Variants in EEA1 observed in about 807,000 individuals in gnomAD.
EEA1 encodes early endosome antigen 1.
Under a neutral mutation model 209.2 loss-of-function variants are expected in EEA1, and 111 were observed. That is an observed-to-expected ratio of 0.53 (90% CI 0.45 to 0.62). The LOEUF is 0.62. Among genes scored for constraint, EEA1 ranks in the 20% least tolerant of loss-of-function variants. The pLI, the probability that EEA1 is intolerant of heterozygous loss-of-function variation, is 0.00. For missense variants in EEA1, 1,343 were observed against 1,530.8 expected, an observed-to-expected ratio of 0.88 and a Z score of 2.05; for synonymous variants, 536 against 540.6, an observed-to-expected ratio of 0.99 and a Z score of 0.12.
chr12:92,862,083 G>A (rs1878178985), intron 3 of EEA1, among the ~76,000 whole-genome samples: 2 of 152,196 alleles, frequency 1.3e-5, no homozygotes, highest in South Asian at 2.1e-4. Flanking sequence ...CCTGAGTCAT[G>A]TGGACTTTTG....
Position 92,798,542 on chromosome 12 carries a change from G to C in EEA1, c.2967+350C>G, listed in dbSNP as rs181911535. On this transcript the variant is annotated intron_variant, in intron 21 of 28. Coordinates refer to ENST00000322349, the MANE Select transcript of EEA1 (RefSeq NM_003566.4). ...TCACCATGTTGGCCAGGCTGGTCTT[G>C]AACTCCTGACCTCAGGTGATCTGCC... 8.1e-3 allele frequency among the ~76,000 whole-genome samples: 1,225 copies of C among 152,028 alleles called. 25 individuals carry two copies. The highest frequency in any genetic ancestry group is 0.027 in the African/African-American group (1,116 of 41,442).
At chr12:92,887,025 CAAAAACAAAGAA>C (rs1219611544) in intron 2 of EEA1, among the ~76,000 whole-genome samples, 10 of 25,506 alleles carry the variant, frequency 3.9e-4, no homozygotes, top group African/African-American at 1.1e-3. Flanking sequence ...AACAAACAAA[CAAAAACAAAGAA>C]AAAAAGAAAG....
intron 1 of EEA1, among the ~76,000 whole-genome samples, chr12:92,910,369 T>A (rs773484778): frequency 1.4e-4 from 21 of 150,946 alleles, no homozygotes; most frequent in Non-Finnish European, 2.5e-4. Flanking sequence ...CCCAGGAAGC[T>A]GAGGCAGGAG....
intron 1 of EEA1, among the ~76,000 whole-genome samples, chr12:92,923,116 G>A (rs1288906197): frequency 6.6e-6 from 1 of 152,144 alleles, no homozygotes; most frequent in African/African-American, 2.4e-5. Flanking sequence ...GGGAGGCTGA[G>A]GCAGGCAGAT....
At chr12:92,778,494 G>A (rs1290740421) in intron 25 of EEA1, among the ~76,000 whole-genome samples, 1 of 152,004 alleles carries the variant, frequency 6.6e-6, no homozygotes, top group Non-Finnish European at 1.5e-5. Flanking sequence ...GTGCCCTAGA[G>A]ACAAAGCTGA....
At position 92,826,191 on chromosome 12, in the gene EEA1, G is replaced by A. The variant is rs776804628; in HGVS notation, c.1499C>T (p.Thr500Ile). ...HQEQQALQQSTTAKLREAQND... is the reference protein window; with the variant it reads ...HQEQQALQQSITAKLREAQND... ...CTGAGCTTCTCGAAGTTTTGCCGTG[G>A]TGCTTTGCTGAAGAGCCTGTTGTTC... The change falls in exon 13 of 29, where the codon ACC (threonine) becomes ATC (isoleucine). Residue 500 changes from threonine to isoleucine, a missense_variant. Transcript: ENST00000322349. 6.2e-7 allele frequency: 1 copy of A among 1,613,418 alleles called. No individual in the cohort carries two copies. Among genetic ancestry groups the A allele is most frequent in the Admixed American group, 1.7e-5 (1 of 60,006 alleles).
intron 18 of EEA1, among the ~76,000 whole-genome samples, chr12:92,808,333 T>C (rs1445673210): frequency 6.6e-6 from 1 of 152,186 alleles, no homozygotes; most frequent in Non-Finnish European, 1.5e-5. Context: ...TGATTAAAAC[T>C]CAAAGTACAT....
Position 92,832,599 on chromosome 12 carries a change from C to T in EEA1, c.1167G>A (p.Gln389=). The T allele has an allele frequency of 1.2e-6, 2 of 1,614,042 alleles. No homozygotes were observed. The highest frequency in any genetic ancestry group is 1.7e-6 in the Non-Finnish European group (2 of 1,179,988). The change falls in exon 11 of 29, where the codon CAG becomes CAA. Residue 389 remains glutamine (Q), a synonymous_variant. Transcript: ENST00000322349. ...GCTGCTTAAACTCCGCCTTTAGATG[C>T]TGGTACTTGGTCTCTACCTCAGATA... ...EELSEVETKY[Q]HLKAEFKQLQ... is the part of the protein sequence containing the mutation.
rs371149243 is a variant in EEA1 at position 92,819,398 on chromosome 12, T to C, written c.1638A>G (p.Arg546=). 1 of 1,612,834 alleles carries C rather than the reference T, an allele frequency of 6.2e-7. No homozygotes were observed. Among genetic ancestry groups the C allele is most frequent in the Non-Finnish European group, 8.5e-7 (1 of 1,179,414 alleles). The change falls in exon 14 of 29, where the codon AGA becomes AGG. Residue 546 remains arginine, a synonymous_variant. Transcript: ENST00000322349. ...KENISLLEKE[R]EDLYAKIQAG... is the part of the protein sequence containing the mutation. ...CCTGAATTTTTGCATAAAGATCTTCTCTTTCTTTTTCTAGTAATGAAATAT... is the reference window on the plus strand; with the variant it reads ...CCTGAATTTTTGCATAAAGATCTTCCCTTTCTTTTTCTAGTAATGAAATAT...
At chr12:92,861,404 G>A (rs558360663) in intron 3 of EEA1, among the ~76,000 whole-genome samples, 5 of 152,294 alleles carry the variant, frequency 3.3e-5, no homozygotes, top group African/African-American at 9.6e-5. Flanking sequence ...GCGGTGAGCC[G>A]AGATTGTGCC....
At chr12:92,856,455 A>T (rs926347469) in intron 5 of EEA1, among the ~76,000 whole-genome samples, 2 of 152,148 alleles carry the variant, frequency 1.3e-5, no homozygotes, top group Admixed American at 6.5e-5. Flanking sequence ...GTCATACAGA[A>T]TATGAGTGTG....
At chr12:92,895,747 G>A (rs796336452) in intron 1 of EEA1, among the ~76,000 whole-genome samples, 6 of 152,218 alleles carry the variant, frequency 3.9e-5, no homozygotes, top group African/African-American at 1.4e-4. Context: ...ACAGATCTGG[G>A]CAGAGTGTGT....
intron 22 of EEA1, among the ~76,000 whole-genome samples, chr12:92,785,096 C>T (rs1874073441): frequency 6.9e-6 from 1 of 144,534 alleles, no homozygotes; most frequent in Non-Finnish European, 1.5e-5. Context: ...ATATAGAGTA[C>T]TAGGCTAAGA....
intron 12 of EEA1, 75 bp downstream of exon 12, chr12:92,827,837 A>C: frequency 7.2e-7 from 1 of 1,379,908 alleles, no homozygotes; most frequent in Non-Finnish European, 9.5e-7. Context: ...AAGCTTTGAC[A>C]ATTAACAGAT....
At chr12:92,788,826 C>T (rs1164405064) in intron 21 of EEA1, among the ~76,000 whole-genome samples, 1 of 152,130 alleles carries the variant, frequency 6.6e-6, no homozygotes, top group Non-Finnish European at 1.5e-5. Context: ...GAAACACTTT[C>T]TTCAACTGGT....
chr12:92,853,637 T>A (rs1877734463), intron 6 of EEA1, among the ~76,000 whole-genome samples: 1 of 152,202 alleles, frequency 6.6e-6, no homozygotes. Flanking sequence ...AATATAGACT[T>A]AAAATTTCAT....
chr12:92,865,905 G>A (rs1427458531), intron 2 of EEA1, among the ~76,000 whole-genome samples: 1 of 151,126 alleles, frequency 6.6e-6, no homozygotes, highest in Non-Finnish European at 1.5e-5. Context: ...CCGCCACCAC[G>A]CCCAGCTAAT....
At chr12:92,816,751 T>C (rs183802738) in intron 14 of EEA1, among the ~76,000 whole-genome samples, 7 of 152,326 alleles carry the variant, frequency 4.6e-5, no homozygotes, top group East Asian at 1.9e-4. Flanking sequence ...GAATGTTTCC[T>C]CATGCCCTTC....
At chr12:92,852,757 T>C (rs1350948491) in intron 7 of EEA1, among the ~76,000 whole-genome samples, 155 bp downstream of exon 7, 1 of 152,142 alleles carries the variant, frequency 6.6e-6, no homozygotes, top group Non-Finnish European at 1.5e-5. Context: ...ATAATTTACA[T>C]AGCAACTCTG....
Sources: allele counts gnomAD v4.1 joint callset (sites outside exome capture counted in the v4.1 genomes callset), GRCh38; gene constraint gnomAD v4.1.1; transcripts MANE v1.5; gene names NCBI Gene and HGNC (gene_info 2026-07-23, HGNC 2026-07-21).